The following PLXNB1 variants were observed in gnomAD, a reference collection of about 807,000 sequenced individuals.
PLXNB1 encodes the protein plexin B1, also known as plexin-B1.
PLXNB1 carries 106 observed loss-of-function variants against 209.4 expected under a neutral mutation model. That is an observed-to-expected ratio of 0.51 (90% CI 0.43 to 0.59). The LOEUF (loss-of-function observed/expected upper bound fraction) is 0.59, where lower values mean the gene tolerates loss of function less well. Ranked by LOEUF, PLXNB1 falls within the 20% of genes least tolerant of loss-of-function variation. PLXNB1 has a pLI of 0.00. For missense variants in PLXNB1, 2,357 were observed against 2,853.2 expected (o/e 0.83, Z 3.96); for synonymous variants, 1,167 against 1,183.2 (o/e 0.99, Z 0.28).
At position 48,407,102 on chromosome 3, in the gene PLXNB1, CAGG is replaced by C; in HGVS notation, c.6088-14_6088-12del. The C allele has an allele frequency of 1.9e-6, 3 of 1,612,574 alleles. No individual in the cohort carries two copies. The highest frequency in any genetic ancestry group is 2.2e-5 in the South Asian group (2 of 91,036). On this transcript the variant is annotated splice_polypyrimidine_tract_variant and intron_variant, in intron 34 of 37. Transcript: ENST00000296440. ...GTTGATCGGGGAGTCCTGGACATAG[CAGG>C]AGGACAGCAAAAGAGGAAGGAAGGA... is the stretch of plus-strand genomic sequence containing the variant.
In PLXNB1 at chr3:48,424,041, G is replaced by T. The variant is rs112441374; in HGVS notation, c.571C>A (p.Pro191Thr). The change falls in exon 3 of 38, where the codon CCG becomes ACG. Residue 191 changes from proline (P) to threonine (T), a missense_variant. Pro to Thr is a conservative substitution (Grantham distance 38, BLOSUM62 -1). Around this residue, in one of 7 missense-constraint regions of PLXNB1, gnomAD observed 404 missense variants for 443.6 expected, o/e 0.91. Coordinates refer to ENST00000296440, the MANE Select transcript of PLXNB1 (RefSeq NM_001130082.3). Reference sequence around the variant, plus strand: ...GAGAAGGCAGCTTGGGGGTCGGGCGGCCACAGGGCCCGGGTTGTGATGGGT... The same window carrying T: ...GAGAAGGCAGCTTGGGGGTCGGGCGTCCACAGGGCCCGGGTTGTGATGGGT... The part of the protein sequence containing the change: ...IPPITTRALW[P>T]PDPQAAFSYE... The T allele has an allele frequency of 2.0e-5, 32 of 1,600,196 alleles. No homozygotes were observed. The highest frequency in any genetic ancestry group is 2.7e-5 in the Non-Finnish European group (32 of 1,172,746).
Position 48,409,891 on chromosome 3 carries a change from C to CA in PLXNB1, c.5778+13dup. ...CTCAGCCCAGGCCCCACTACCTTGG[C>CA]AGCCCCACCCCACCTTCATGGACAG... On this transcript the variant is annotated intron_variant, in intron 32 of 37. Transcript: ENST00000296440. The surrounding 1 kb of genome is among the most constrained non-coding windows in gnomAD (Gnocchi z 5.8). The CA allele has an allele frequency of 6.6e-7, 1 of 1,516,972 alleles. No homozygotes were observed. The highest frequency in any genetic ancestry group is 1.2e-5 in the South Asian group (1 of 84,978). The allele number at this position is 1,516,972 out of a possible 1,614,324, so 94.0% of individuals were successfully genotyped here. A position where few individuals can be genotyped will look rare whatever the true frequency, so the allele number is the denominator to read the frequency against.
rs1359072369 is a variant in PLXNB1 at position 48,422,397 on chromosome 3, A to G, written c.1353T>C (p.Ser451=). ...PYSTQSIQQG[S]AVSRDLTFDG... ...CAAAGGTGAGGTCTCTGCTCACTGC[A>G]GACCCCTGCTGGATGCTCTGTGTGG... The change falls in exon 5 of 38, where the codon TCT becomes TCC. Residue 451 remains serine, a synonymous_variant. Transcript: ENST00000296440. 4 of 1,606,156 alleles carry G rather than the reference A, an allele frequency of 2.5e-6. No individual in the cohort carries two copies. The highest frequency in any genetic ancestry group is 3.4e-6 in the Non-Finnish European group (4 of 1,176,100).
chr3:48,417,907 T>G lies in PLXNB1; in HGVS notation c.3374+4A>C. On this transcript the variant is annotated splice_donor_region_variant and intron_variant, in intron 16 of 37. Transcript: ENST00000296440. This position sits in a 1 kb window ranked among gnomAD's most constrained non-coding sequence, Gnocchi z 4.4. Reference sequence around the variant, plus strand: ...CGTGCTCCTGCTGGGTGCAGCCAGCTTACCTGCTGGAGACCTCGTACTCCT... The same window carrying G: ...CGTGCTCCTGCTGGGTGCAGCCAGCGTACCTGCTGGAGACCTCGTACTCCT... The G allele has an allele frequency of 6.2e-7, 1 of 1,606,288 alleles. No homozygotes were observed. Among genetic ancestry groups the G allele is most frequent in the South Asian group, 1.1e-5 (1 of 90,800 alleles).
Position 48,413,418 on chromosome 3 carries a change from C to T in PLXNB1, c.4536-249G>A. 1 of 602,144 alleles carries T rather than the reference C, an allele frequency of 1.7e-6. No individual in the cohort carries two copies. The highest frequency in any genetic ancestry group is 2.9e-6 in the Non-Finnish European group (1 of 341,174). The allele number at this position is 602,144 out of a possible 1,614,324, so 37.3% of individuals were successfully genotyped here. A position where few individuals can be genotyped will look rare whatever the true frequency, so the allele number is the denominator to read the frequency against. On this transcript the variant is annotated intron_variant, in intron 23 of 37. Transcript: ENST00000296440. The surrounding 1 kb of genome is among the most constrained non-coding windows in gnomAD (Gnocchi z 5.4). ...AACCACAACCAGGCCAAATCCATCC[C>T]ACAACCTATTTTTATAAAGATTTGT...
In PLXNB1 at chr3:48,413,360, C is replaced by G. The variant is rs1242940357; in HGVS notation, c.4536-191G>C. 3.2e-6 allele frequency: 2 copies of G among 617,684 alleles called. No individual in the cohort carries two copies. Among genetic ancestry groups the G allele is most frequent in the African/African-American group, 1.8e-5 (1 of 54,604 alleles). 38.3% of individuals were successfully genotyped at this position (617,684 alleles called of 1,614,324 possible). On this transcript the variant is annotated intron_variant, in intron 23 of 37. Coordinates refer to ENST00000296440, the MANE Select transcript of PLXNB1 (RefSeq NM_001130082.3). The surrounding 1 kb of genome is among the most constrained non-coding windows in gnomAD (Gnocchi z 5.4). ...CAAGTCACACACACCCATGCCCCGT[C>G]TAGCCCAGCACAGTTTAGCCTAGAG...
At position 48,419,175 on chromosome 3, in the gene PLXNB1, C is replaced by G. The variant is rs1003084277; in HGVS notation, c.2832+69G>C. On this transcript the variant is annotated intron_variant, in intron 12 of 37. Transcript: ENST00000296440. This position sits in a 1 kb window ranked among gnomAD's most constrained non-coding sequence, Gnocchi z 5.7. Reference sequence around the variant, plus strand: ...CGGACTCTGCCCTCCTCCTGCTCCCCAGGGCTTGTGCAGAGTTTCTCAACA... The same window carrying G: ...CGGACTCTGCCCTCCTCCTGCTCCCGAGGGCTTGTGCAGAGTTTCTCAACA... 5 of 1,553,074 alleles carry G rather than the reference C, an allele frequency of 3.2e-6. No individual in the cohort carries two copies. The African/African-American group carries it at 5.4e-5, about 17-fold the overall frequency.
chr3:48,410,658 G>C lies in PLXNB1; in HGVS notation c.5417-100C>G, dbSNP rs572764779. ...CAGGGACACCAGCCCCTCCATCATG[G>C]GGCAGCCTTACTCAACCTCTCCAAA... On this transcript the variant is annotated intron_variant, in intron 29 of 37. Coordinates refer to ENST00000296440, the MANE Select transcript of PLXNB1 (RefSeq NM_001130082.3). The surrounding 1 kb of genome is among the most constrained non-coding windows in gnomAD (Gnocchi z 6.4). The C allele has an allele frequency of 9.2e-7, 1 of 1,089,558 alleles. No individual in the cohort carries two copies. The allele number at this position is 1,089,558 out of a possible 1,614,324, so 67.5% of individuals were successfully genotyped here. A position where few individuals can be genotyped will look rare whatever the true frequency, so the allele number is the denominator to read the frequency against.
rs2037245292 is a variant in PLXNB1 at position 48,405,312 on chromosome 3, C to T, written c.6303+412G>A. Among the ~76,000 whole-genome samples, 1 of 152,200 alleles carries T rather than the reference C, an allele frequency of 6.6e-6. No homozygotes were observed. Among genetic ancestry groups the T allele is most frequent in the African/African-American group, 2.4e-5 (1 of 41,444 alleles). On this transcript the variant is annotated intron_variant, in intron 37 of 37. Transcript: ENST00000296440. This position sits in a 1 kb window ranked among gnomAD's most constrained non-coding sequence, Gnocchi z 5.0. Reference sequence around the variant, plus strand: ...GGGATCCTCCAAAAAGCTTCACCAGCTCCAGTGTACCCTCACACCCCTGGC... The same window carrying T: ...GGGATCCTCCAAAAAGCTTCACCAGTTCCAGTGTACCCTCACACCCCTGGC...
rs1403009136 is a variant in PLXNB1 at position 48,423,787 on chromosome 3, C to T, written c.825G>A (p.Leu275=). The change falls in exon 3 of 38, where the codon CTG becomes CTA. Residue 275 remains leucine (L), a synonymous_variant. Transcript: ENST00000296440. ...PLACEGGRYG[L]IQAAAVATSR... ...ACGTGGCCACAGCTGCAGCCTGGAT[C>T]AGCCCGTAGCGGCCACCTTCGCAGG... 6.2e-7 allele frequency: 1 copy of T among 1,613,974 alleles called. No homozygotes were observed. The highest frequency in any genetic ancestry group is 8.5e-7 in the Non-Finnish European group (1 of 1,179,998).
At chr3:48,427,826 C>A (rs2038973389) in intron 1 of PLXNB1, among the ~76,000 whole-genome samples, 1 of 152,206 alleles carries the variant, frequency 6.6e-6, no homozygotes, top group South Asian at 2.1e-4. Context: ...CCGCTGCATG[C>A]GGTGGACAGA....
chr3:48,427,372 T>C (rs1417966337), intron 1 of PLXNB1, among the ~76,000 whole-genome samples: 1 of 152,100 alleles, frequency 6.6e-6, no homozygotes, highest in African/African-American at 2.4e-5. Context: ...ACACATACCA[T>C]GGGTGTCGGA....
At position 48,419,777 on chromosome 3, in the gene PLXNB1, G is replaced by A. The variant is rs748966343; in HGVS notation, c.2509C>T (p.Pro837Ser). The change falls in exon 11 of 38, where the codon CCC (proline) becomes TCC (serine). Residue 837 changes from proline to serine, a missense_variant. This residue lies in a region of PLXNB1 where 410 missense variants were observed against 401.0 expected (regional missense o/e 1.02). Transcript: ENST00000296440. This position sits in a 1 kb window ranked among gnomAD's most constrained non-coding sequence, Gnocchi z 5.7. ...TFPGAMGSVK[P>S]ALDWLTREGG... ...TCTCTCGTGAGCCAGTCCAGGGCGG[G>A]CTTCACGGAGCCCATGGCCCCTGGG... is the stretch of plus-strand genomic sequence containing the variant. 35 of 1,603,012 alleles carry A rather than the reference G, an allele frequency of 2.2e-5. No individual in the cohort carries two copies. The South Asian group carries it at 3.7e-4, about 17-fold the overall frequency.
Position 48,409,687 on chromosome 3 carries a change from G to C in PLXNB1, c.5823C>G (p.Leu1941=), listed in dbSNP as rs1560046886. The C allele has an allele frequency of 5.6e-6, 9 of 1,613,912 alleles. No homozygotes were observed. The highest frequency in any genetic ancestry group is 7.6e-6 in the Non-Finnish European group (9 of 1,180,026). Residue 1941 remains leucine (L), a synonymous_variant, in exon 33 of 38, where the codon CTC becomes CTG. Transcript: ENST00000296440. This position sits in a 1 kb window ranked among gnomAD's most constrained non-coding sequence, Gnocchi z 5.8. ...KFVDDLFQVI[L]STSRPVPLAV... is the part of the protein sequence containing the mutation. ...CGAGCGGCACGGGGCGGCTGGTGCT[G>C]AGAATCACCTGGAACAGGTCATCCA...
rs745825715 is a variant in PLXNB1 at position 48,415,062 on chromosome 3, T to C, written c.3967-21A>G. ...TCAAACTGGAAGGAAGACAGGCAGG[T>C]TGACGAGGGGCCAAGCAAAGATGGG... On this transcript the variant is annotated intron_variant, in intron 20 of 37. Coordinates refer to ENST00000296440, the MANE Select transcript of PLXNB1 (RefSeq NM_001130082.3). This position sits in a 1 kb window ranked among gnomAD's most constrained non-coding sequence, Gnocchi z 5.0. The C allele has an allele frequency of 6.2e-6, 10 of 1,610,430 alleles. No individual in the cohort carries two copies. Among genetic ancestry groups the C allele is most frequent in the Non-Finnish European group, 8.5e-6 (10 of 1,177,850 alleles).
In PLXNB1 at chr3:48,424,086, C is replaced by T. The variant is rs1273126321; in HGVS notation, c.526G>A (p.Gly176Ser). 6.4e-7 allele frequency: 1 copy of T among 1,565,974 alleles called. No individual in the cohort carries two copies. The highest frequency in any genetic ancestry group is 1.9e-5 in the Admixed American group (1 of 53,200). Residue 176 changes from glycine to serine, a missense_variant, in exon 3 of 38, where the codon GGT becomes AGT. By Grantham distance (56) the Gly-to-Ser change is moderately conservative. Coordinates refer to ENST00000296440, the MANE Select transcript of PLXNB1 (RefSeq NM_001130082.3). ...ATGGGTGGAATGCCACCCCCCACAC[C>T]CCTGCTGGTGTATCCTCGCCCCACA... is the stretch of plus-strand genomic sequence containing the variant. ...LFVGRGYTSR[G>S]VGGGIPPITT...
chr3:48,409,216 A>C lies in PLXNB1; in HGVS notation c.6087+113T>G. The C allele has an allele frequency of 7.9e-7, 1 of 1,267,802 alleles. No homozygotes were observed. Among genetic ancestry groups the C allele is most frequent in the Non-Finnish European group, 1.1e-6 (1 of 916,488 alleles). The allele number at this position is 1,267,802 out of a possible 1,614,324, so 78.5% of individuals were successfully genotyped here. On this transcript the variant is annotated intron_variant, in intron 34 of 37. Coordinates refer to ENST00000296440, the MANE Select transcript of PLXNB1 (RefSeq NM_001130082.3). The surrounding 1 kb of genome is among the most constrained non-coding windows in gnomAD (Gnocchi z 5.8). ...GGATGAAGCCTTGGCTTGGGAGGTC[A>C]GAGGTCTCCCCTAAGCCCTCCTTGA...
chr3:48,426,662 C>T (rs1407064180), intron 1 of PLXNB1, among the ~76,000 whole-genome samples: 2 of 152,146 alleles, frequency 1.3e-5, no homozygotes, highest in Non-Finnish European at 2.9e-5. Flanking sequence ...GGGCCGTGGT[C>T]ACAGCCTGGC....
At position 48,422,085 on chromosome 3, in the gene PLXNB1, G is replaced by A; in HGVS notation, c.1520+20C>T. 6.3e-7 allele frequency: 1 copy of A among 1,597,340 alleles called. No homozygotes were observed. Among genetic ancestry groups the A allele is most frequent in the Non-Finnish European group, 8.6e-7 (1 of 1,164,870 alleles). ...ATTGTGGGCTTGAGGCTGGGGCTGGGATGGGGTCAGAAATCTGACCTGCCA... is the reference window on the plus strand; with the variant it reads ...ATTGTGGGCTTGAGGCTGGGGCTGGAATGGGGTCAGAAATCTGACCTGCCA... On this transcript the variant is annotated intron_variant, in intron 6 of 37. Transcript: ENST00000296440.
Sources: allele counts gnomAD v4.1 joint callset (sites outside exome capture counted in the v4.1 genomes callset), GRCh38; gene constraint gnomAD v4.1.1; regional missense constraint gnomAD v4.1.1; non-coding constraint Gnocchi (gnomAD v3.1); transcripts MANE v1.5; gene names NCBI Gene and HGNC (gene_info 2026-07-23, HGNC 2026-07-21).